RNF17: variants seen among roughly 807,000 people sequenced by gnomAD.
The protein encoded by RNF17 is spermatogenesis associated 23.
A neutral mutation model predicts 200.5 loss-of-function variants in RNF17; 31 were observed. The observed-to-expected ratio is 0.15, with a 90% confidence interval of 0.12 to 0.21. The LOEUF (loss-of-function observed/expected upper bound fraction) is 0.21, where lower values mean the gene tolerates loss of function less well. Ranked by LOEUF, RNF17 falls within the 10% of genes least tolerant of loss-of-function variation. The pLI, the probability that RNF17 is intolerant of heterozygous loss-of-function variation, is 1.00. For missense variants in RNF17, 1,628 were observed against 1,905.1 expected, an observed-to-expected ratio of 0.85 and a Z score of 2.71; for synonymous variants, 606 against 637.8, an observed-to-expected ratio of 0.95 and a Z score of 0.75.
At chr13:24,805,759 CT>C (rs1420330701) in intron 15 of RNF17, among the ~76,000 whole-genome samples, 1 of 152,134 alleles carries the variant, frequency 6.6e-6, no homozygotes, top group Non-Finnish European at 1.5e-5. Flanking sequence ...TTATGTTTAA[CT>C]TTTTGGGGGA....
intron 17 of RNF17, among the ~76,000 whole-genome samples, chr13:24,831,167 G>A (rs1393118676): frequency 6.6e-6 from 1 of 152,062 alleles, no homozygotes; most frequent in African/African-American, 2.4e-5. Flanking sequence ...CAGGTTGGGC[G>A]CAGTGGCTCA....
At chr13:24,850,238 G>T in intron 22 of RNF17, 103 bp from the exon 23 acceptor site, 2 of 623,632 alleles carry the variant, frequency 3.2e-6, no homozygotes, top group Non-Finnish European at 2.7e-6. Flanking sequence ...CATATAGTTG[G>T]TTCAAACTAT....
At chr13:24,766,356 T>G (rs2137871043) in intron 1 of RNF17, among the ~76,000 whole-genome samples, 1 of 152,372 alleles carries the variant, frequency 6.6e-6, no homozygotes, top group Admixed American at 6.5e-5. Context: ...AATGACAACC[T>G]TTTGAAATTA....
At chr13:24,780,472 AAACAG>A (rs1882196549) in intron 5 of RNF17, among the ~76,000 whole-genome samples, 1 of 152,160 alleles carries the variant, frequency 6.6e-6, no homozygotes, top group Non-Finnish European at 1.5e-5. Flanking sequence ...ATCCAACTAA[AAACAG>A]AGTGTTCTCT....
intron 7 of RNF17, among the ~76,000 whole-genome samples, chr13:24,788,458 G>A (rs1883407367): frequency 6.6e-6 from 1 of 151,712 alleles, no homozygotes; most frequent in Admixed American, 6.6e-5. Flanking sequence ...ACATTGAGGT[G>A]AAAGTTTAGG....
At chr13:24,884,956 C>CTA in the RNF17 span, among the ~76,000 whole-genome samples, 1 of 152,280 alleles carries the variant, frequency 6.6e-6, no homozygotes, top group Admixed American at 6.5e-5. Context: ...AGAAACTTTC[C>CTA]TAAGCATAAG....
intron 14 of RNF17, among the ~76,000 whole-genome samples, chr13:24,802,781 C>T (rs189454478): frequency 1.5e-4 from 23 of 152,214 alleles, no homozygotes; most frequent in African/African-American, 4.1e-4. Context: ...CTGGGCAGGG[C>T]GTCTCACAAC....
upstream of RNF17, among the ~76,000 whole-genome samples, chr13:24,763,612 T>G (rs1879087875): frequency 6.6e-6 from 1 of 152,130 alleles, no homozygotes; most frequent in Non-Finnish European, 1.5e-5. Flanking sequence ...TATGTATCTC[T>G]CAAGCAGAAA....
chr13:24,874,165 T>C lies in RNF17; in HGVS notation c.4499T>C (p.Ile1500Thr). 1.2e-6 allele frequency: 2 copies of C among 1,612,204 alleles called. No individual in the cohort carries two copies. The highest frequency in any genetic ancestry group is 1.7e-6 in the Non-Finnish European group (2 of 1,179,336). Residue 1500 changes from isoleucine (I) to threonine (T), a missense_variant, in exon 33 of 36, where the codon ATT (isoleucine) becomes ACT (threonine). Transcript: ENST00000255324. ...GATGGCTTATGGTATAGAGCGAAGA[T>C]TGTTGCCATTAAAGAATTTAATCCT... ...YDDGLWYRAK[I>T]VAIKEFNPLS...
At chr13:24,780,718 T>C (rs1442419460) in intron 5 of RNF17, among the ~76,000 whole-genome samples, 3 of 151,908 alleles carry the variant, frequency 2.0e-5, no homozygotes, top group Non-Finnish European at 4.4e-5. Flanking sequence ...CCCATCTCTA[T>C]TAAAAATTCA....
At chr13:24,861,501 A>G in intron 27 of RNF17, 114 bp downstream of exon 27, 1 of 689,500 alleles carries the variant, frequency 1.5e-6, no homozygotes, top group Non-Finnish European at 2.2e-6. Flanking sequence ...AAAAAGTAAT[A>G]AAACACCAAC....
chr13:24,868,058 A>T (rs1566250323), intron 30 of RNF17, among the ~76,000 whole-genome samples: 1 of 152,134 alleles, frequency 6.6e-6, no homozygotes, highest in Non-Finnish European at 1.5e-5. Context: ...ACATTCATGC[A>T]TTTTTTTGCA....
intron 32 of RNF17, among the ~76,000 whole-genome samples, chr13:24,871,864 C>T (rs537429101): frequency 1.3e-5 from 2 of 152,070 alleles, no homozygotes; most frequent in South Asian, 4.2e-4. Flanking sequence ...AATTCCTGAC[C>T]TCGTGATCCA....
Position 24,804,369 on chromosome 13 carries a change from GAC to G in RNF17, c.2033_2034del (p.Thr678ArgfsTer11). On this transcript the variant is annotated frameshift_variant, in exon 15 of 36. Coordinates refer to ENST00000255324, the MANE Select transcript of RNF17 (RefSeq NM_031277.3). LOFTEE classifies it high-confidence loss of function. The part of the protein sequence containing the change: ...YHPPILPKEM[T>X]DVSVTVCHIN... ...ATCCACCTATTTTGCCTAAAGAAAT[GAC>G]AGATGTTTCAGTAACGGTTTGTCAT... The G allele has an allele frequency of 6.2e-7, 1 of 1,612,970 alleles. No individual in the cohort carries two copies. Among genetic ancestry groups the G allele is most frequent in the Non-Finnish European group, 8.5e-7 (1 of 1,179,028 alleles).
chr13:24,767,401 C>A, intron 2 of RNF17, 35 bp downstream of exon 2: 1 of 1,321,250 alleles, frequency 7.6e-7, no homozygotes, highest in Non-Finnish European at 1.1e-6. Flanking sequence ...AAACATATCA[C>A]AACCTAATGT....
upstream of RNF17, among the ~76,000 whole-genome samples, chr13:24,764,000 C>T (rs1353980333): frequency 2.0e-5 from 3 of 152,208 alleles, no homozygotes; most frequent in Non-Finnish European, 4.4e-5. Flanking sequence ...TCCTCAACGG[C>T]CACAAGGCGC....
intron 15 of RNF17, among the ~76,000 whole-genome samples, chr13:24,814,637 A>G (rs1446292): frequency 0.22 from 34,023 of 152,122 alleles, 4,342 homozygotes; most frequent in East Asian, 0.39. Flanking sequence ...CTTTTCCCCC[A>G]TTGAATGGTC....
the RNF17 span, among the ~76,000 whole-genome samples, chr13:24,750,435 A>G: frequency 6.6e-6 from 1 of 152,224 alleles, no homozygotes; most frequent in Admixed American, 6.5e-5. Flanking sequence ...CATCACTCCA[A>G]GAAGATGCCT....
At chr13:24,750,627 C>T in the RNF17 span, 1 of 152,178 alleles carries the variant, frequency 6.6e-6, no homozygotes, top group African/African-American at 2.4e-5. Context: ...TAACCATAAC[C>T]AAATATTTAA....
Sources: gnomAD v4.1 joint callset for allele counts (sites outside exome capture counted in the v4.1 genomes callset) on GRCh38, gnomAD v4.1.1 for gene constraint, MANE v1.5 for transcripts, NCBI Gene and HGNC (gene_info 2026-07-23, HGNC 2026-07-21) for gene names.